NAPA: variants seen among roughly 807,000 people sequenced by gnomAD.
NAPA encodes alpha-soluble NSF attachment protein.
A neutral mutation model predicts 48.0 loss-of-function variants in NAPA; 18 were observed. That is an observed-to-expected ratio of 0.38 (90% confidence interval 0.26 to 0.56). The LOEUF (loss-of-function observed/expected upper bound fraction) is 0.56, where lower values mean the gene tolerates loss of function less well. Ranked by LOEUF, NAPA falls within the 20% of genes least tolerant of loss-of-function variation. The pLI is 0.77. For synonymous variants in NAPA, 152 were observed against 149.9 expected (o/e 1.01, Z -0.10); for missense variants, 315 against 385.0 (o/e 0.82, Z 1.52).
chr19:47,504,486 T>C (rs1968652917), intron 1 of NAPA, among the ~76,000 whole-genome samples: 1 of 144,076 alleles, frequency 6.9e-6, no homozygotes, highest in Non-Finnish European at 1.5e-5. Flanking sequence ...TCTGGGCAAA[T>C]ACACAAAAAC....
At chr19:47,499,137 G>A (rs754501) in intron 3 of NAPA, among the ~76,000 whole-genome samples, 21,083 of 152,252 alleles carry the variant, frequency 0.14, 1,554 homozygotes, top group East Asian at 0.22. Context: ...GCAGAGTCTC[G>A]CTGGAGAGCT....
At chr19:47,496,179 C>T in intron 3 of NAPA, 1 of 155,854 alleles carries the variant, frequency 6.4e-6, no homozygotes. Context: ...CAACACTGAG[C>T]CCTCAGTGTG....
chr19:47,495,460 G>A, intron 4 of NAPA, 90 bp downstream of exon 4: 3 of 1,400,136 alleles, frequency 2.1e-6, no homozygotes, highest in Non-Finnish European at 3.0e-6. Context: ...CGCAGAATAA[G>A]AACAGTGCTG....
At chr19:47,508,526 C>T (rs1030889713) in intron 1 of NAPA, among the ~76,000 whole-genome samples, 3 of 152,210 alleles carry the variant, frequency 2.0e-5, no homozygotes, top group Admixed American at 6.5e-5. Context: ...GCTCTGAAAT[C>T]GCCACAGGAC....
intron 3 of NAPA, among the ~76,000 whole-genome samples, chr19:47,499,858 A>C (rs993030326): frequency 6.6e-6 from 1 of 152,152 alleles, no homozygotes; most frequent in Non-Finnish European, 1.5e-5. Context: ...GCTGCTTTTT[A>C]TTTTTTAAAG....
At position 47,493,284 on chromosome 19, in the gene NAPA, A is replaced by T. The variant is rs1599897170; in HGVS notation, c.421-110T>A. ...CCTGCCTGGGACACAGCCAGACCCC[A>T]TTCTCCAAGCTCTGCCGGCGCCCCA... On this transcript the variant is annotated intron_variant, in intron 5 of 10. Coordinates refer to ENST00000263354, the MANE Select transcript of NAPA (RefSeq NM_003827.4). This position sits in a 1 kb window ranked among gnomAD's most constrained non-coding sequence, Gnocchi z 6.4. 4 of 1,486,130 alleles carry T rather than the reference A, an allele frequency of 2.7e-6. No homozygotes were observed. The East Asian group carries it at 9.1e-5, about 34-fold the overall frequency. 92.1% of individuals were successfully genotyped at this position (1,486,130 alleles called of 1,614,324 possible).
At chr19:47,488,642 G>A in intron 10 of NAPA, 1 of 263,542 alleles carries the variant, frequency 3.8e-6, no homozygotes, top group Non-Finnish European at 7.3e-6. Flanking sequence ...GTCCATGGCT[G>A]GGCGCAGTAG....
intron 10 of NAPA, 28 bp from the exon 11 acceptor site, chr19:47,488,417 C>T (rs1288081191): frequency 6.4e-7 from 1 of 1,574,078 alleles, no homozygotes; most frequent in Non-Finnish European, 8.7e-7. Flanking sequence ...GATAGGCTGG[C>T]CATGCTCCCC....
chr19:47,489,037 G>A (rs1434978578), intron 10 of NAPA: 1 of 152,540 alleles, frequency 6.6e-6, no homozygotes, highest in East Asian at 1.9e-4. Context: ...CGGCCTGCTG[G>A]GCATCCCCTC....
In NAPA at chr19:47,489,725, T is replaced by G. The variant is rs1430101581; in HGVS notation, c.772A>C (p.Ser258Arg). ...LEAHEEQNVD[S>R]YTESVKEYDS... Reference sequence around the variant, plus strand: ...TGGCCACTCACCGACTCGGTGTAGCTGTCCACATTCTGCTCCTCGTGGGCC... The same window carrying G: ...TGGCCACTCACCGACTCGGTGTAGCGGTCCACATTCTGCTCCTCGTGGGCC... Residue 258 changes from serine to arginine, a missense_variant, in exon 10 of 11, where the codon AGC becomes CGC. Ser to Arg is a moderately radical substitution (Grantham distance 110). Around this residue, in one of 3 missense-constraint regions of NAPA, gnomAD observed 137 missense variants for 150.1 expected, o/e 0.91. Coordinates refer to ENST00000263354, the MANE Select transcript of NAPA (RefSeq NM_003827.4). The G allele has an allele frequency of 3.1e-6, 5 of 1,614,112 alleles. No homozygotes were observed. In the East Asian group the frequency reaches 1.1e-4, roughly 36 times the overall value.
At chr19:47,501,351 C>G (rs1968572427) in intron 2 of NAPA, 1 of 152,276 alleles carries the variant, frequency 6.6e-6, no homozygotes, top group Non-Finnish European at 1.5e-5. Flanking sequence ...ATCTTCCCAT[C>G]TACTCCCCTT....
chr19:47,514,690 G>A (rs976416538), intron 1 of NAPA, among the ~76,000 whole-genome samples, 153 bp downstream of exon 1: 2 of 152,026 alleles, frequency 1.3e-5, no homozygotes, highest in African/African-American at 4.8e-5. Context: ...CTCAGCCTGC[G>A]TCCCCTCTGC....
chr19:47,504,250 C>T (rs750304032), intron 1 of NAPA, among the ~76,000 whole-genome samples: 5 of 151,902 alleles, frequency 3.3e-5, no homozygotes, highest in South Asian at 2.1e-4. Context: ...AAAAAATTAG[C>T]AGGGTGTGAT....
At chr19:47,514,771 C>T in intron 1 of NAPA, 72 bp downstream of exon 1, 4 of 1,470,666 alleles carry the variant, frequency 2.7e-6, no homozygotes, top group Non-Finnish European at 3.8e-6. Context: ...GTGCCCTAAC[C>T]CGCCACCTCC....
chr19:47,511,547 A>G (rs1968805030), intron 1 of NAPA, among the ~76,000 whole-genome samples: 1 of 152,200 alleles, frequency 6.6e-6, no homozygotes, highest in African/African-American at 2.4e-5. Flanking sequence ...CTAGTTTGCC[A>G]ACATCCTTCC....
intron 9 of NAPA, 65 bp from the exon 10 acceptor site, chr19:47,489,826 T>C (rs1178961580): frequency 6.4e-7 from 1 of 1,558,832 alleles, no homozygotes; most frequent in African/African-American, 1.4e-5. Flanking sequence ...CTGGATTAGA[T>C]GAAAGGACAC....
In NAPA at chr19:47,493,100, C is replaced by T; in HGVS notation, c.476+19G>A. The T allele has an allele frequency of 6.2e-7, 1 of 1,613,888 alleles. No individual in the cohort carries two copies. Among genetic ancestry groups the T allele is most frequent in the African/African-American group, 1.3e-5 (1 of 74,990 alleles). ...GGTGGCGGTCCCTGCGGGGCTGGGGCAGGCAGGAAGGGGGCTACCTGTTGG... is the reference window on the plus strand; with the variant it reads ...GGTGGCGGTCCCTGCGGGGCTGGGGTAGGCAGGAAGGGGGCTACCTGTTGG... On this transcript the variant is annotated intron_variant, in intron 6 of 10. Coordinates refer to ENST00000263354, the MANE Select transcript of NAPA (RefSeq NM_003827.4). This position sits in a 1 kb window ranked among gnomAD's most constrained non-coding sequence, Gnocchi z 6.4.
intron 1 of NAPA, among the ~76,000 whole-genome samples, chr19:47,511,707 C>A (rs1268775869): frequency 6.6e-6 from 1 of 152,202 alleles, no homozygotes; most frequent in Admixed American, 6.5e-5. Context: ...GCAAATAAGT[C>A]AACTTCTCTA....
intron 3 of NAPA, among the ~76,000 whole-genome samples, chr19:47,500,177 G>A (rs541184960): frequency 9.5e-4 from 144 of 152,298 alleles, no homozygotes; most frequent in Non-Finnish European, 1.6e-3. Context: ...TCCTCCCCAG[G>A]ATGTAGGGAA....
Sources: allele counts gnomAD v4.1 joint callset (sites outside exome capture counted in the v4.1 genomes callset), GRCh38; gene constraint gnomAD v4.1.1; regional missense constraint gnomAD v4.1.1; non-coding constraint Gnocchi (gnomAD v3.1); transcripts MANE v1.5; gene names NCBI Gene and HGNC (gene_info 2026-07-23, HGNC 2026-07-21).